Variants in CSMD1 observed in about 807,000 individuals in gnomAD.
CSMD1 encodes the protein CUB and sushi domain-containing protein 1.
CSMD1 carries 213 observed loss-of-function variants against 417.5 expected under a neutral mutation model. The observed-to-expected ratio is 0.51, with a 90% confidence interval of 0.46 to 0.57. The LOEUF (loss-of-function observed/expected upper bound fraction) is 0.57, where lower values mean the gene tolerates loss of function less well. Among genes scored for constraint, CSMD1 ranks in the 20% least tolerant of loss-of-function variants. The probability of loss-of-function intolerance (pLI) is 0.00; values close to 1 mark genes in which losing one functional copy is unlikely to be tolerated. For synonymous variants in CSMD1, 2,862 were observed against 1,736.8 expected (o/e 1.65, Z -16.11); for missense variants, 6,923 against 4,529.7 (o/e 1.53, Z -15.17).
intron 5 of CSMD1, among the ~76,000 whole-genome samples, chr8:3,975,624 A>C (rs1347117246): frequency 7.2e-5 from 11 of 152,090 alleles, no homozygotes; most frequent in Non-Finnish European, 7.4e-5. Flanking sequence ...CCCATGACTA[A>C]AGTGCCTGTA....
chr8:3,962,907 A>AT (rs1812425013), intron 5 of CSMD1, among the ~76,000 whole-genome samples: 2 of 151,928 alleles, frequency 1.3e-5, no homozygotes, highest in East Asian at 1.9e-4. Context: ...CATTATGTCT[A>AT]TTTTTTCCAC....
At chr8:4,435,414 A>G (rs186323557) in intron 2 of CSMD1, among the ~76,000 whole-genome samples, 266 of 152,336 alleles carry the variant, frequency 1.7e-3, no homozygotes, top group African/African-American at 6.2e-3. Context: ...AGAAGTCACC[A>G]TGCAGGCCCA....
chr8:4,825,470 A>G (rs1321282338), intron 1 of CSMD1, among the ~76,000 whole-genome samples: 1 of 152,084 alleles, frequency 6.6e-6, no homozygotes, highest in African/African-American at 2.4e-5. Context: ...GCATGATTGA[A>G]ACTTTATACC....
chr8:4,778,603 G>A (rs763895508), intron 1 of CSMD1, among the ~76,000 whole-genome samples: 19 of 152,208 alleles, frequency 1.2e-4, no homozygotes, highest in Admixed American at 2.0e-4. Context: ...GAGGTCATGT[G>A]CAGGTCCTAC....
intron 7 of CSMD1, among the ~76,000 whole-genome samples, chr8:3,624,192 A>C (rs1407851030): frequency 6.6e-6 from 1 of 152,204 alleles, no homozygotes; most frequent in African/African-American, 2.4e-5. Flanking sequence ...GTTTTCATTT[A>C]TATTCCCAAC....
chr8:4,401,348 G>A (rs751342253), intron 3 of CSMD1, among the ~76,000 whole-genome samples: 16 of 152,082 alleles, frequency 1.1e-4, no homozygotes, highest in Non-Finnish European at 1.8e-4. Flanking sequence ...AAACCCACAC[G>A]TATTGTTATT....
chr8:3,960,283 G>A (rs575868515), intron 5 of CSMD1, among the ~76,000 whole-genome samples: 1 of 152,156 alleles, frequency 6.6e-6, no homozygotes, highest in African/African-American at 2.4e-5. Flanking sequence ...ATCTAATAAG[G>A]AATTTAGCAA....
chr8:3,158,642 A>C (rs1435360251), intron 38 of CSMD1, among the ~76,000 whole-genome samples: 2 of 151,678 alleles, frequency 1.3e-5, no homozygotes, highest in African/African-American at 4.9e-5. Flanking sequence ...TCTCAATGAA[A>C]AAAAAAACAA....
At chr8:3,928,021 T>A (rs983354825) in intron 5 of CSMD1, among the ~76,000 whole-genome samples, 1 of 152,182 alleles carries the variant, frequency 6.6e-6, no homozygotes, top group African/African-American at 2.4e-5. Context: ...CTTTTCTAAT[T>A]GATGAACAAT....
At chr8:3,795,182 T>TAGAC (rs1319623632) in intron 5 of CSMD1, among the ~76,000 whole-genome samples, 1 of 105,758 alleles carries the variant, frequency 9.5e-6, no homozygotes, top group East Asian at 3.1e-4. Context: ...TGTACAGCTA[T>TAGAC]AGATACCTAT....
intron 5 of CSMD1, among the ~76,000 whole-genome samples, chr8:3,882,006 C>A (rs151027995): frequency 6.6e-6 from 1 of 151,960 alleles, no homozygotes; most frequent in Non-Finnish European, 1.5e-5. Context: ...GAATATTCTA[C>A]GATGTCTGAT....
Position 4,143,493 on chromosome 8 carries a change from C to T in CSMD1, c.416-111394G>A, listed in dbSNP as rs950006950. Among the ~76,000 whole-genome samples the T allele has an allele frequency of 5.3e-5, 8 of 149,938 alleles. 1 individual carries two copies. Among genetic ancestry groups the T allele is most frequent in the Non-Finnish European group, 8.8e-5 (6 of 67,988 alleles). ...TTTAATATATGGCTCATAGTTAAAG[C>T]TGGTTAAACTAAAGAAGAAGTTGAT... On this transcript the variant is annotated intron_variant, in intron 3 of 69. Coordinates refer to ENST00000635120, the MANE Select transcript of CSMD1 (RefSeq NM_033225.6).
At chr8:4,236,050 T>TG (rs1802036007) in intron 3 of CSMD1, among the ~76,000 whole-genome samples, 58 of 41,114 alleles carry the variant, frequency 1.4e-3, no homozygotes, top group Middle Eastern at 0.019. Context: ...TTTTTTTTTT[T>TG]TTTTTTTTTT....
At chr8:3,529,721 T>A (rs1473637406) in intron 10 of CSMD1, among the ~76,000 whole-genome samples, 1 of 152,308 alleles carries the variant, frequency 6.6e-6, no homozygotes, top group Non-Finnish European at 1.5e-5. Flanking sequence ...GAGATATATC[T>A]GTTGTTTTAC....
rs115535896 is a variant in CSMD1 at position 3,044,973 on chromosome 8, C to T, written c.7660+7489G>A. ...TCTGGCTAAGAGGTAAAGTTTTATGCTTACTCTGCCAGATTTTTTCCATTT... is the reference window on the plus strand; with the variant it reads ...TCTGGCTAAGAGGTAAAGTTTTATGTTTACTCTGCCAGATTTTTTCCATTT... On this transcript the variant is annotated intron_variant, in intron 50 of 69. Transcript: ENST00000635120. 8.6e-3 allele frequency among the ~76,000 whole-genome samples: 1,311 copies of T among 152,272 alleles called. 27 individuals are homozygous for T. Among genetic ancestry groups the T allele is most frequent in the African/African-American group, 0.03 (1,238 of 41,554 alleles).
intron 2 of CSMD1, among the ~76,000 whole-genome samples, chr8:4,599,132 G>C (rs1402086656): frequency 6.6e-6 from 1 of 152,012 alleles, no homozygotes; most frequent in African/African-American, 2.4e-5. Context: ...TCCAGACTAA[G>C]GTATTAAAAA....
chr8:3,291,220 C>G (rs577929997), intron 25 of CSMD1, among the ~76,000 whole-genome samples: 24 of 152,084 alleles, frequency 1.6e-4, no homozygotes, highest in African/African-American at 2.9e-4. Context: ...TGCTGGATTC[C>G]ATTTGCCAGT....
intron 26 of CSMD1, among the ~76,000 whole-genome samples, chr8:3,244,441 A>T (rs1388919865): frequency 3.3e-5 from 5 of 152,122 alleles, no homozygotes; most frequent in Non-Finnish European, 7.4e-5. Flanking sequence ...TTTAATGGCC[A>T]GGTGGAGCAG....
chr8:4,964,089 TA>T (rs1809690173), intron 1 of CSMD1, among the ~76,000 whole-genome samples: 1 of 151,754 alleles, frequency 6.6e-6, no homozygotes, highest in African/African-American at 2.4e-5. Context: ...GGGTTTATTT[TA>T]TTTTTTTTAC....
Sources: gnomAD v4.1 joint callset for allele counts (sites outside exome capture counted in the v4.1 genomes callset) on GRCh38, gnomAD v4.1.1 for gene constraint, MANE v1.5 for transcripts, NCBI Gene and HGNC (gene_info 2026-07-23, HGNC 2026-07-21) for gene names.